The following NTMT1 variants were observed in gnomAD, a reference collection of about 807,000 sequenced individuals.
The protein encoded by NTMT1 is N-terminal RCC1 methyltransferase.
A neutral mutation model predicts 17.5 loss-of-function variants in NTMT1; 8 were observed. That is an observed-to-expected ratio of 0.46 (90% CI 0.27 to 0.82). The LOEUF (loss-of-function observed/expected upper bound fraction) is 0.82. Among genes scored for constraint, NTMT1 ranks in the 40% least tolerant of loss-of-function variants. The pLI is 0.15. For synonymous variants in NTMT1, 128 were observed against 126.8 expected (o/e 1.01, Z -0.06); for missense variants, 221 against 303.5 (o/e 0.73, Z 2.02).
rs374533917 is a variant in NTMT1 at position 129,635,339 on chromosome 9, G to T, written c.547G>T (p.Val183Leu). ...GATTCTGGACGACGTGGACAGCAGC[G>T]TGTGCCGGGACCTTGACGTGGTCCG... ...GVILDDVDSS[V>L]CRDLDVVRRI... Residue 183 changes from valine to leucine, a missense_variant, in exon 4 of 4, where the codon GTG becomes TTG. Physicochemically the swap from Val to Leu is conservative, Grantham distance 32. Coordinates refer to ENST00000372483, the MANE Select transcript of NTMT1 (RefSeq NM_014064.4). 1 of 1,613,846 alleles carries T rather than the reference G, an allele frequency of 6.2e-7. No homozygotes were observed. The highest frequency in any genetic ancestry group is 8.5e-7 in the Non-Finnish European group (1 of 1,180,038).
upstream of NTMT1, among the ~76,000 whole-genome samples, chr9:129,623,816 T>C (rs928766704): frequency 3.6e-4 from 31 of 86,740 alleles, no homozygotes; most frequent in African/African-American, 1.4e-3. Flanking sequence ...GTTTCTTTTT[T>C]TCTTTTCTTT....
At chr9:129,627,159 C>T (rs2118923397) in intron 1 of NTMT1, among the ~76,000 whole-genome samples, 1 of 152,114 alleles carries the variant, frequency 6.6e-6, no homozygotes, top group South Asian at 2.1e-4. Flanking sequence ...GAGGACTGTG[C>T]GGGGGTTGGA....
rs759053601 is a variant in NTMT1, at chr9:129,612,486, A to G, written c.-55+3308A>G. ...TGAGACAGAGGACCAGCTGGCTGCTACCAGGACCTCGGGGCAGGGGACTGG... is the reference window on the plus strand; with the variant it reads ...TGAGACAGAGGACCAGCTGGCTGCTGCCAGGACCTCGGGGCAGGGGACTGG... On this transcript the variant is annotated intron_variant, in intron 1 of 3. Coordinates refer to the NTMT1 transcript ENST00000372486. 2.5e-6 allele frequency: 4 copies of G among 1,572,956 alleles called. No homozygotes were observed. In the Admixed American group the frequency reaches 6.9e-5, roughly 27 times the overall value.
At position 129,613,536 on chromosome 9, in the gene NTMT1, A is replaced by G. The variant is rs1830192704; in HGVS notation, c.-55+4358A>G. Reference sequence around the variant, plus strand: ...TCTCCAGCCGTTTTCCGACACTCCCAAACACCCGCTCGGACGCCACTGGCA... The same window carrying G: ...TCTCCAGCCGTTTTCCGACACTCCCGAACACCCGCTCGGACGCCACTGGCA... On this transcript the variant is annotated intron_variant, in intron 1 of 3. Coordinates refer to the NTMT1 transcript ENST00000372486. This position sits in a 1 kb window ranked among gnomAD's most constrained non-coding sequence, Gnocchi z 6.2. 1.2e-6 allele frequency: 2 copies of G among 1,614,098 alleles called. No homozygotes were observed. Among genetic ancestry groups the G allele is most frequent in the Non-Finnish European group, 1.7e-6 (2 of 1,180,002 alleles).
In NTMT1 at chr9:129,620,075, T is replaced by C. The variant is rs945013269; in HGVS notation, c.-55+10897T>C. ...GCCCCGCGGGGCCTCACTCAGTGGC[T>C]CCGGCTCCTCGGCGCACTTCTCCTG... On this transcript the variant is annotated intron_variant, in intron 1 of 3. Transcript: ENST00000372486. This position sits in a 1 kb window ranked among gnomAD's most constrained non-coding sequence, Gnocchi z 5.8. 6.9e-7 allele frequency: 1 copy of C among 1,450,202 alleles called. No homozygotes were observed. Among genetic ancestry groups the C allele is most frequent in the Non-Finnish European group, 9.1e-7 (1 of 1,099,568 alleles). 89.8% of individuals were successfully genotyped at this position (1,450,202 alleles called of 1,614,324 possible). A position where few individuals can be genotyped will look rare whatever the true frequency, so the allele number is the denominator to read the frequency against.
chr9:129,610,185 GGA>G (rs1201134631), intron 1 of NTMT1, among the ~76,000 whole-genome samples: 15 of 126,852 alleles, frequency 1.2e-4, no homozygotes, highest in East Asian at 2.6e-4. Context: ...GAGCCACAGG[GGA>G]GGGGGGAGGA....
rs1830645604 is a variant in NTMT1 at position 129,620,536 on chromosome 9, C to T, written c.-55+11358C>T. The T allele has an allele frequency of 4.2e-6, 6 of 1,443,850 alleles. No individual in the cohort carries two copies. Among genetic ancestry groups the T allele is most frequent in the Non-Finnish European group, 5.5e-6 (6 of 1,095,808 alleles). 89.4% of individuals were successfully genotyped at this position (1,443,850 alleles called of 1,614,324 possible). The stretch of plus-strand genomic sequence containing the variant: ...CGTCGCCAGGGAGCCCCTTGGGCGC[C>T]AGGTCCTGGGCCCCTGGGCGAAGTC... On this transcript the variant is annotated intron_variant, in intron 1 of 3. Transcript: ENST00000372486. This position sits in a 1 kb window ranked among gnomAD's most constrained non-coding sequence, Gnocchi z 5.8.
intron 1 of NTMT1, among the ~76,000 whole-genome samples, chr9:129,611,637 G>A (rs1240063985): frequency 6.6e-6 from 1 of 151,112 alleles, no homozygotes; most frequent in Non-Finnish European, 1.5e-5. Flanking sequence ...AGAGGCTTGG[G>A]GTGGGGGTTC....
intron 1 of NTMT1, among the ~76,000 whole-genome samples, chr9:129,612,808 C>T (rs145148972): frequency 1.2e-3 from 178 of 151,994 alleles, no homozygotes; most frequent in African/African-American, 4.2e-3. Context: ...CCAGCCTGGG[C>T]GACAGAGCAA....
intron 3 of NTMT1, chr9:129,634,794 T>C: frequency 3.9e-6 from 1 of 254,270 alleles, no homozygotes; most frequent in East Asian, 1.1e-4. Flanking sequence ...ACTCTAGGTC[T>C]GGCCTTGTAT....
At chr9:129,611,313 A>G (rs562502514) in intron 1 of NTMT1, among the ~76,000 whole-genome samples, 10 of 152,212 alleles carry the variant, frequency 6.6e-5, no homozygotes, top group Non-Finnish European at 1.5e-4. Flanking sequence ...TCAGGGAAAG[A>G]GGCGGCGGCT....
rs757171119 is a variant in NTMT1, at chr9:129,635,419, C to A, written c.627C>A (p.Asn209Lys). ...TCCTGGCCGAGGAGAGGCAGGAGAA[C>A]CTCCCCGATGAGATCTACCATGTCT... The part of the protein sequence containing the change: ...LSLLAEERQE[N>K]LPDEIYHVYS... Residue 209 changes from asparagine (N) to lysine (K), a missense_variant, in exon 4 of 4, where the codon AAC becomes AAA. Asn to Lys is a moderately conservative substitution (Grantham distance 94, BLOSUM62 0). Transcript: ENST00000372483. 4 of 1,613,178 alleles carry A rather than the reference C, an allele frequency of 2.5e-6. No homozygotes were observed. In the African/African-American group the frequency reaches 4.0e-5, roughly 16 times the overall value.
rs772180321 is a variant in NTMT1 at position 129,613,459 on chromosome 9, G to T, written c.-55+4281G>T. ...CAGGCCAGCGCAGTCCCAACACGAG[G>T]AGCTGGCCAGGGTCTCCTCCTTGGC... On this transcript the variant is annotated intron_variant, in intron 1 of 3. Transcript: ENST00000372486. This position sits in a 1 kb window ranked among gnomAD's most constrained non-coding sequence, Gnocchi z 6.2. The T allele has an allele frequency of 6.2e-7, 1 of 1,614,042 alleles. No homozygotes were observed. Among genetic ancestry groups the T allele is most frequent in the East Asian group, 2.2e-5 (1 of 44,878 alleles).
chr9:129,624,447 G>A (rs190509114), upstream of NTMT1, among the ~76,000 whole-genome samples: 2 of 152,192 alleles, frequency 1.3e-5, no homozygotes, highest in African/African-American at 4.8e-5. Context: ...GGTAGCAGTT[G>A]TGACCTAGAA....
intron 2 of NTMT1, 122 bp downstream of exon 2, chr9:129,632,987 T>C: frequency 9.1e-7 from 1 of 1,099,548 alleles, no homozygotes; most frequent in East Asian, 2.4e-5. Context: ...TCTTGGTACC[T>C]ACCCCAAAGC....
intron 2 of NTMT1, 84 bp downstream of exon 2, chr9:129,632,949 ATG>A (rs753903761): frequency 6.8e-7 from 1 of 1,462,624 alleles, no homozygotes; most frequent in East Asian, 2.3e-5. Flanking sequence ...CCTTTTACAC[ATG>A]TAACACTGCA....
chr9:129,610,415 G>C (rs2118840890), intron 1 of NTMT1, among the ~76,000 whole-genome samples: 1 of 152,042 alleles, frequency 6.6e-6, no homozygotes, highest in South Asian at 2.1e-4. Flanking sequence ...TCAGTGCTCG[G>C]CGCTGCCGCA....
rs377185299 is a variant in NTMT1 at position 129,610,509 on chromosome 9, C to A, written c.-55+1331C>A. The stretch of plus-strand genomic sequence containing the variant: ...GGGGCGGGGGCGGCGCGTTTCCCCC[C>A]ACCCGCCAGGGCCGGTCGTGGGCTC... On this transcript the variant is annotated intron_variant, in intron 1 of 3. Coordinates refer to the NTMT1 transcript ENST00000372486. 8.6e-5 allele frequency among the ~76,000 whole-genome samples: 13 copies of A among 152,024 alleles called. No homozygotes were observed. In the South Asian group the frequency reaches 2.5e-3, roughly 29 times the overall value.
rs549192183 is a variant in NTMT1 at position 129,614,897 on chromosome 9, G to A, written c.-55+5719G>A. 1.5e-4 allele frequency among the ~76,000 whole-genome samples: 23 copies of A among 150,758 alleles called. No individual in the cohort carries two copies. The South Asian group carries it at 2.7e-3, about 18-fold the overall frequency. Reference sequence around the variant, plus strand: ...AGCCTGGGCGACAGAGTGAGACTCCGTATCAGAAAAAAAAAAAGAAAAAGA... The same window carrying A: ...AGCCTGGGCGACAGAGTGAGACTCCATATCAGAAAAAAAAAAAGAAAAAGA... On this transcript the variant is annotated intron_variant, in intron 1 of 3. Transcript: ENST00000372486. This position sits in a 1 kb window ranked among gnomAD's most constrained non-coding sequence, Gnocchi z 4.4.
Sources: gnomAD v4.1 joint callset for allele counts (sites outside exome capture counted in the v4.1 genomes callset) on GRCh38, gnomAD v4.1.1 for gene constraint, Gnocchi (gnomAD v3.1) non-coding constraint, MANE v1.5 for transcripts, NCBI Gene and HGNC (gene_info 2026-07-23, HGNC 2026-07-21) for gene names.